The following ROBO1 variants were observed in gnomAD, a reference collection of about 807,000 sequenced individuals.
The protein encoded by ROBO1 is roundabout guidance receptor 1, also known as roundabout homolog 1.
A neutral mutation model predicts 195.9 loss-of-function variants in ROBO1; 149 were observed. That is an observed-to-expected ratio of 0.76 (90% CI 0.67 to 0.87). The LOEUF is 0.87. Among genes scored for constraint, ROBO1 ranks in the 40% least tolerant of loss-of-function variants. The pLI, the probability that ROBO1 is intolerant of heterozygous loss-of-function variation, is 0.00. For synonymous variants in ROBO1, 816 were observed against 733.2 expected, an observed-to-expected ratio of 1.11 and a Z score of -1.82; for missense variants, 1,933 against 2,068.3, an observed-to-expected ratio of 0.93 and a Z score of 1.27.
Position 79,262,071 on chromosome 3 carries a change from A to G in ROBO1, c.89-136532T>C, listed in dbSNP as rs149973120. On this transcript the variant is annotated intron_variant, in intron 2 of 30. Coordinates refer to ENST00000464233, the MANE Select transcript of ROBO1 (RefSeq NM_002941.4). ...TAAGAAACATGTGCTCTTGGTCAAC[A>G]AGCCAGGCTATCTATTATCTAAGAC... Among the ~76,000 whole-genome samples the G allele has an allele frequency of 2.6e-5, 4 of 152,236 alleles. No homozygotes were observed. The East Asian group carries it at 7.7e-4, about 29-fold the overall frequency.
At chr3:79,204,375 C>G (rs2081826332) in intron 2 of ROBO1, among the ~76,000 whole-genome samples, 1 of 151,854 alleles carries the variant, frequency 6.6e-6, no homozygotes, top group Non-Finnish European at 1.5e-5. Flanking sequence ...GTATGAGTAT[C>G]TAGTGTGTTG....
At chr3:79,180,734 A>G (rs930542763) in intron 2 of ROBO1, among the ~76,000 whole-genome samples, 1 of 152,216 alleles carries the variant, frequency 6.6e-6, no homozygotes, top group African/African-American at 2.4e-5. Flanking sequence ...TATAAAGGAA[A>G]AAAGTCAGTG....
intron 1 of ROBO1, among the ~76,000 whole-genome samples, chr3:79,746,037 G>T (rs376657632): frequency 6.6e-6 from 1 of 152,110 alleles, no homozygotes; most frequent in East Asian, 1.9e-4. Context: ...TTATAACAAA[G>T]TGTAAAAGGG....
chr3:78,767,787 T>G (rs1220895500), intron 4 of ROBO1, among the ~76,000 whole-genome samples: 1 of 152,212 alleles, frequency 6.6e-6, no homozygotes, highest in Non-Finnish European at 1.5e-5. Flanking sequence ...GTTTTGTTTC[T>G]TAGTGAGGTT....
chr3:79,687,060 C>T (rs1947138608), intron 1 of ROBO1, among the ~76,000 whole-genome samples: 1 of 152,226 alleles, frequency 6.6e-6, no homozygotes, highest in East Asian at 1.9e-4. Flanking sequence ...AGAAATAATG[C>T]CGCTTATCTA....
intron 8 of ROBO1, among the ~76,000 whole-genome samples, chr3:78,714,094 T>G (rs2108049032): frequency 6.6e-6 from 1 of 152,322 alleles, no homozygotes; most frequent in Middle Eastern, 3.4e-3. Context: ...GCTCTATGTT[T>G]GAAGACCTGG....
chr3:79,205,515 T>A (rs544042580), intron 2 of ROBO1, among the ~76,000 whole-genome samples: 11 of 152,296 alleles, frequency 7.2e-5, no homozygotes, highest in African/African-American at 2.6e-4. Flanking sequence ...ATAATGATTA[T>A]CATTGTTGAA....
intron 3 of ROBO1, among the ~76,000 whole-genome samples, chr3:79,010,623 AT>A (rs2077753571): frequency 2.0e-5 from 3 of 152,150 alleles, no homozygotes; most frequent in Admixed American, 2.0e-4. Context: ...GTAAACACAT[AT>A]ATTTATTTAT....
At chr3:79,429,371 G>A (rs567377281) in intron 2 of ROBO1, among the ~76,000 whole-genome samples, 5 of 152,184 alleles carry the variant, frequency 3.3e-5, no homozygotes, top group Non-Finnish European at 2.9e-5. Context: ...AAACGTGGAA[G>A]TAAATATTCA....
At chr3:79,287,108 T>G (rs2031934404) in intron 2 of ROBO1, among the ~76,000 whole-genome samples, 1 of 152,200 alleles carries the variant, frequency 6.6e-6, no homozygotes, top group Non-Finnish European at 1.5e-5. Flanking sequence ...TGACATCATG[T>G]AATGGTAACA....
At chr3:79,555,653 T>C (rs1559989052) in intron 2 of ROBO1, among the ~76,000 whole-genome samples, 1 of 152,152 alleles carries the variant, frequency 6.6e-6, no homozygotes, top group Non-Finnish European at 1.5e-5. Flanking sequence ...TCTGCTTTGT[T>C]ATGGAGCTTT....
chr3:79,106,731 G>A (rs1050036361), intron 3 of ROBO1, among the ~76,000 whole-genome samples: 1 of 151,528 alleles, frequency 6.6e-6, no homozygotes, highest in African/African-American at 2.4e-5. Flanking sequence ...AAAAATGTAA[G>A]TTAAAAATAT....
At chr3:79,009,497 T>A (rs190427942) in intron 3 of ROBO1, among the ~76,000 whole-genome samples, 11 of 152,290 alleles carry the variant, frequency 7.2e-5, no homozygotes, top group Non-Finnish European at 7.4e-5. Context: ...GAGAAAACCC[T>A]ACCTAAGAAA....
intron 2 of ROBO1, among the ~76,000 whole-genome samples, chr3:79,133,937 C>G (rs2080344917): frequency 1.3e-5 from 2 of 152,008 alleles, no homozygotes; most frequent in East Asian, 1.9e-4. Context: ...GTTGGAATAC[C>G]CTGCCGTGTG....
At chr3:79,537,768 A>G (rs549070131) in intron 2 of ROBO1, among the ~76,000 whole-genome samples, 2 of 152,170 alleles carry the variant, frequency 1.3e-5, no homozygotes, top group South Asian at 4.1e-4. Context: ...GAGCATCAGG[A>G]GAAACAGCTA....
At chr3:78,791,678 T>C (rs899359794) in intron 4 of ROBO1, among the ~76,000 whole-genome samples, 1 of 152,208 alleles carries the variant, frequency 6.6e-6, no homozygotes, top group Admixed American at 6.5e-5. Flanking sequence ...CTGTGTGCTA[T>C]TGAGCTTGTC....
chr3:79,031,346 C>A (rs535458780), intron 3 of ROBO1, among the ~76,000 whole-genome samples: 8 of 152,192 alleles, frequency 5.3e-5, no homozygotes, highest in East Asian at 1.9e-4. Context: ...AGGAAAAAAA[C>A]CACATGAATA....
At chr3:79,664,469 C>T (rs958296034) in intron 1 of ROBO1, among the ~76,000 whole-genome samples, 1 of 152,018 alleles carries the variant, frequency 6.6e-6, no homozygotes, top group Non-Finnish European at 1.5e-5. Flanking sequence ...TGCCTGGATG[C>T]CTTGTCCTAC....
At chr3:78,677,173 G>C (rs1039951094) in intron 10 of ROBO1, among the ~76,000 whole-genome samples, 1 of 152,260 alleles carries the variant, frequency 6.6e-6, no homozygotes, top group African/African-American at 2.4e-5. Flanking sequence ...CCTGAAGGAA[G>C]TACTAAACGT....
Sources: gnomAD v4.1 joint callset for allele counts (sites outside exome capture counted in the v4.1 genomes callset) on GRCh38, gnomAD v4.1.1 for gene constraint, MANE v1.5 for transcripts, NCBI Gene and HGNC (gene_info 2026-07-23, HGNC 2026-07-21) for gene names.